DERA: variants seen among roughly 807,000 people sequenced by gnomAD.
DERA encodes 2-deoxy-D-ribose 5-phosphate aldolase.
Under a neutral mutation model 41.1 loss-of-function variants are expected in DERA, and 15 were observed. The ratio of observed to expected loss-of-function variants is 0.37; its 90% CI spans 0.24 to 0.56. The LOEUF (loss-of-function observed/expected upper bound fraction) is 0.56, where lower values mean the gene tolerates loss of function less well. Among genes scored for constraint, DERA ranks in the 20% least tolerant of loss-of-function variants. The probability of loss-of-function intolerance (pLI) is 0.81; values close to 1 mark genes in which losing one functional copy is unlikely to be tolerated. For synonymous variants in DERA, 139 were observed against 137.4 expected, an observed-to-expected ratio of 1.01 and a Z score of -0.08; for missense variants, 396 against 403.4, an observed-to-expected ratio of 0.98 and a Z score of 0.16.
intron 1 of DERA, among the ~76,000 whole-genome samples, chr12:15,912,799 C>T (rs1948174107): frequency 1.3e-5 from 2 of 152,206 alleles, no homozygotes; most frequent in South Asian, 4.1e-4. Context: ...ACAGTCTGCA[C>T]TTCCAAGAGG....
At position 16,004,587 on chromosome 12, in the gene DERA, T is replaced by C. The variant is rs1354684614; in HGVS notation, c.637+22151T>C. ...AGGACTAACCACCTTTCTAAATGTT[T>C]AATAGTAGTCATATTAACTTATTAA... On this transcript the variant is annotated intron_variant, in intron 6 of 8. Coordinates refer to ENST00000428559, the MANE Select transcript of DERA (RefSeq NM_015954.4). The surrounding 1 kb of genome is among the most constrained non-coding windows in gnomAD (Gnocchi z 4.2). Among the ~76,000 whole-genome samples, 1 of 152,192 alleles carries C rather than the reference T, an allele frequency of 6.6e-6. No individual in the cohort carries two copies. Among genetic ancestry groups the C allele is most frequent in the African/African-American group, 2.4e-5 (1 of 41,458 alleles).
At chr12:15,977,175 AGTG>A (rs1948702838) in intron 5 of DERA, among the ~76,000 whole-genome samples, 1 of 152,138 alleles carries the variant, frequency 6.6e-6, no homozygotes, top group Non-Finnish European at 1.5e-5. Flanking sequence ...CCATCTGTCA[AGTG>A]AGTAGTTTGA....
rs141283490 is a variant in DERA, at chr12:15,980,236, A to C, written c.509-2072A>C. Among the ~76,000 whole-genome samples the C allele has an allele frequency of 5.1e-3, 777 of 152,342 alleles. 6 individuals carry two copies. Among genetic ancestry groups the C allele is most frequent in the African/African-American group, 0.018 (742 of 41,578 alleles). The stretch of plus-strand genomic sequence containing the variant: ...TAACCCTGTAAAGTAAATATTATTG[A>C]CACTTTAAGGATGGAGCTGATGCTG... On this transcript the variant is annotated intron_variant, in intron 5 of 8. Transcript: ENST00000428559.
At chr12:16,023,501 G>A (rs1469357697) in intron 6 of DERA, among the ~76,000 whole-genome samples, 18 of 125,332 alleles carry the variant, frequency 1.4e-4, no homozygotes, top group South Asian at 2.5e-4. Context: ...TTTTTGAGAC[G>A]GAGTCTCGCT....
At position 15,996,202 on chromosome 12, in the gene DERA, G is replaced by T. The variant is rs1302240887; in HGVS notation, c.637+13766G>T. On this transcript the variant is annotated intron_variant, in intron 6 of 8. Coordinates refer to ENST00000428559, the MANE Select transcript of DERA (RefSeq NM_015954.4). This position sits in a 1 kb window ranked among gnomAD's most constrained non-coding sequence, Gnocchi z 4.7. ...GTGTGTGTGTGTGTGTAATTTAAGA[G>T]TAGATTACAATCCAGTATACACAGG... Among the ~76,000 whole-genome samples, 1 of 150,522 alleles carries T rather than the reference G, an allele frequency of 6.6e-6. No individual in the cohort carries two copies. The highest frequency in any genetic ancestry group is 2.0e-4 in the East Asian group (1 of 5,102).
intron 6 of DERA, among the ~76,000 whole-genome samples, chr12:16,006,451 A>G (rs1168813751): frequency 1.3e-5 from 2 of 152,236 alleles, no homozygotes; most frequent in South Asian, 2.1e-4. Flanking sequence ...ACAAAGCCCA[A>G]ACGTTACCTA....
chr12:15,931,520 T>G lies in DERA; in HGVS notation c.31+20106T>G, dbSNP rs902085201. On this transcript the variant is annotated intron_variant, in intron 1 of 8. Coordinates refer to ENST00000428559, the MANE Select transcript of DERA (RefSeq NM_015954.4). The surrounding 1 kb of genome is among the most constrained non-coding windows in gnomAD (Gnocchi z 4.6). ...ATTTAGGTGCTTGACAAAACTGTCA[T>G]CAGAAGTTTTCCCAGAGTACATTAA... is the stretch of plus-strand genomic sequence containing the variant. Among the ~76,000 whole-genome samples, 5 of 152,326 alleles carry G rather than the reference T, an allele frequency of 3.3e-5. No homozygotes were observed. Among genetic ancestry groups the G allele is most frequent in the Admixed American group, 6.5e-5 (1 of 15,292 alleles).
chr12:15,972,593 A>T lies in DERA; in HGVS notation c.508+9646A>T, dbSNP rs1165675986. 1 of 177,588 alleles carries T rather than the reference A, an allele frequency of 5.6e-6. No individual in the cohort carries two copies. The highest frequency in any genetic ancestry group is 1.4e-4 in the East Asian group (1 of 7,354). The allele number at this position is 177,588 out of a possible 1,614,324, so 11.0% of individuals were successfully genotyped here. A position where few individuals can be genotyped will look rare whatever the true frequency, so the allele number is the denominator to read the frequency against. On this transcript the variant is annotated intron_variant, in intron 5 of 8. Transcript: ENST00000428559. This position sits in a 1 kb window ranked among gnomAD's most constrained non-coding sequence, Gnocchi z 4.4. ...AATTTTCTCCAATTCCTGCCTCATG[A>T]TGTGTCCCAGGGGCATTTCACGCAT... is the stretch of plus-strand genomic sequence containing the variant.
chr12:15,957,166 A>G lies in DERA; in HGVS notation c.129+133A>G. ...TTGCAGCTGTCCATGACTTATTTTA[A>G]TAATTCATATATGATGATGATGGGT... is the stretch of plus-strand genomic sequence containing the variant. On this transcript the variant is annotated intron_variant, in intron 2 of 8. Coordinates refer to ENST00000428559, the MANE Select transcript of DERA (RefSeq NM_015954.4). This position sits in a 1 kb window ranked among gnomAD's most constrained non-coding sequence, Gnocchi z 4.8. 1 of 674,562 alleles carries G rather than the reference A, an allele frequency of 1.5e-6. No individual in the cohort carries two copies. Among genetic ancestry groups the G allele is most frequent in the Non-Finnish European group, 2.6e-6 (1 of 381,604 alleles). 41.8% of individuals were successfully genotyped at this position (674,562 alleles called of 1,614,324 possible). A position where few individuals can be genotyped will look rare whatever the true frequency, so the allele number is the denominator to read the frequency against.
rs1442038924 is a variant in DERA, at chr12:15,922,607, A to G, written c.31+11193A>G. On this transcript the variant is annotated intron_variant, in intron 1 of 8. Coordinates refer to ENST00000428559, the MANE Select transcript of DERA (RefSeq NM_015954.4). The surrounding 1 kb of genome is among the most constrained non-coding windows in gnomAD (Gnocchi z 4.9). Reference sequence around the variant, plus strand: ...AAGTTCAGTTGTTTTGGTGCTTGACAGTAGTTGTTTTTACAGGCCAAGTTG... The same window carrying G: ...AAGTTCAGTTGTTTTGGTGCTTGACGGTAGTTGTTTTTACAGGCCAAGTTG... Among the ~76,000 whole-genome samples the G allele has an allele frequency of 1.3e-5, 2 of 152,212 alleles. No individual in the cohort carries two copies. Among genetic ancestry groups the G allele is most frequent in the East Asian group, 1.9e-4 (1 of 5,198 alleles).
chr12:15,916,892 TG>T (rs1395284617), intron 1 of DERA, among the ~76,000 whole-genome samples: 1 of 152,196 alleles, frequency 6.6e-6, no homozygotes, highest in East Asian at 1.9e-4. Flanking sequence ...GACTATAGGC[TG>T]TAGTCAATGT....
At position 16,001,505 on chromosome 12, in the gene DERA, A is replaced by G. The variant is rs534572376; in HGVS notation, c.637+19069A>G. Reference sequence around the variant, plus strand: ...GAGATTCGTGCTCAGTAACAAAGAGAGAGTAATACAGACTTGTGGAGTCAT... The same window carrying G: ...GAGATTCGTGCTCAGTAACAAAGAGGGAGTAATACAGACTTGTGGAGTCAT... On this transcript the variant is annotated intron_variant, in intron 6 of 8. Coordinates refer to ENST00000428559, the MANE Select transcript of DERA (RefSeq NM_015954.4). This position sits in a 1 kb window ranked among gnomAD's most constrained non-coding sequence, Gnocchi z 4.1. Among the ~76,000 whole-genome samples the G allele has an allele frequency of 1.4e-4, 22 of 152,268 alleles. No homozygotes were observed. The highest frequency in any genetic ancestry group is 4.8e-4 in the African/African-American group (20 of 41,552).
In DERA at chr12:15,972,140, G is replaced by A. The variant is rs2045872; in HGVS notation, c.508+9193G>A. ...TCCCACCGTGTAGCCTGGTATCCCA[G>A]TTCTTGTTCAGATAGTAGATGCAGG... On this transcript the variant is annotated intron_variant, in intron 5 of 8. Transcript: ENST00000428559. This position sits in a 1 kb window ranked among gnomAD's most constrained non-coding sequence, Gnocchi z 4.4. 103,506 of 164,344 alleles carry A rather than the reference G, an allele frequency of 0.63. 33,213 individuals are homozygous for A. The highest frequency in any genetic ancestry group is 0.83 in the East Asian group (4,481 of 5,412). 10.2% of individuals were successfully genotyped at this position (164,344 alleles called of 1,614,324 possible).
In DERA at chr12:15,976,283, A is replaced by G. The variant is rs1259516095; in HGVS notation, c.509-6025A>G. On this transcript the variant is annotated intron_variant, in intron 5 of 8. Coordinates refer to ENST00000428559, the MANE Select transcript of DERA (RefSeq NM_015954.4). This position sits in a 1 kb window ranked among gnomAD's most constrained non-coding sequence, Gnocchi z 4.1. ...TTTATCAATTGCTTTGTGTTTGACA[A>G]TCTCTAGAACCTGCGGGTTGTCTTC... 1.3e-5 allele frequency among the ~76,000 whole-genome samples: 2 copies of G among 152,028 alleles called. No homozygotes were observed. Among genetic ancestry groups the G allele is most frequent in the Non-Finnish European group, 2.9e-5 (2 of 68,020 alleles).
intron 1 of DERA, among the ~76,000 whole-genome samples, chr12:15,948,255 G>T (rs1470363044): frequency 6.6e-6 from 1 of 152,172 alleles, no homozygotes; most frequent in South Asian, 2.1e-4. Context: ...GGCCTGCCTT[G>T]CTAGGTTGGG....
intron 6 of DERA, among the ~76,000 whole-genome samples, chr12:16,024,540 T>G (rs1949040817): frequency 6.6e-6 from 1 of 152,164 alleles, no homozygotes; most frequent in South Asian, 2.1e-4. Context: ...CAACATGGAA[T>G]TCTGTGTTCA....
chr12:15,988,679 C>T lies in DERA; in HGVS notation c.637+6243C>T, dbSNP rs1432490145. ...GTGGCCTTCACTCAGACCTGGCAGCCTGGTTCCCAGGCTTCAGGCCATCCC... is the reference window on the plus strand; with the variant it reads ...GTGGCCTTCACTCAGACCTGGCAGCTTGGTTCCCAGGCTTCAGGCCATCCC... On this transcript the variant is annotated intron_variant, in intron 6 of 8. Coordinates refer to ENST00000428559, the MANE Select transcript of DERA (RefSeq NM_015954.4). The surrounding 1 kb of genome is among the most constrained non-coding windows in gnomAD (Gnocchi z 6.0). Among the ~76,000 whole-genome samples the T allele has an allele frequency of 1.3e-5, 2 of 152,184 alleles. No homozygotes were observed. The highest frequency in any genetic ancestry group is 2.9e-5 in the Non-Finnish European group (2 of 68,030).
At position 16,010,627 on chromosome 12, in the gene DERA, G is replaced by A. The variant is rs1268366421; in HGVS notation, c.638-21915G>A. 2.0e-5 allele frequency among the ~76,000 whole-genome samples: 3 copies of A among 152,004 alleles called. No homozygotes were observed. Among genetic ancestry groups the A allele is most frequent in the Non-Finnish European group, 4.4e-5 (3 of 68,012 alleles). ...ATGTGAAAATTGTTTATGAACAGAA[G>A]GAGAGAGGCTGCATTGTCTCTATAA... On this transcript the variant is annotated intron_variant, in intron 6 of 8. Transcript: ENST00000428559. This position sits in a 1 kb window ranked among gnomAD's most constrained non-coding sequence, Gnocchi z 5.5.
chr12:16,025,887 T>C (rs2096763863), intron 6 of DERA, among the ~76,000 whole-genome samples: 1 of 152,058 alleles, frequency 6.6e-6, no homozygotes, highest in East Asian at 1.9e-4. Context: ...TAGAATTCAA[T>C]AGCAGAAAGT....
Sources: gnomAD v4.1 joint callset for allele counts (sites outside exome capture counted in the v4.1 genomes callset) on GRCh38, gnomAD v4.1.1 for gene constraint, Gnocchi (gnomAD v3.1) non-coding constraint, MANE v1.5 for transcripts, NCBI Gene and HGNC (gene_info 2026-07-23, HGNC 2026-07-21) for gene names.